The following SSBP2 variants were observed in gnomAD, a reference collection of about 807,000 sequenced individuals.
SSBP2 encodes the protein single-stranded DNA-binding protein 2.
A neutral mutation model predicts 61.8 loss-of-function variants in SSBP2; 17 were observed. The ratio of observed to expected loss-of-function variants is 0.28; its 90% CI spans 0.19 to 0.41. The LOEUF (loss-of-function observed/expected upper bound fraction) is 0.41, where lower values mean the gene tolerates loss of function less well. Among genes scored for constraint, SSBP2 ranks in the 10% least tolerant of loss-of-function variants. SSBP2 has a pLI of 1.00. For synonymous variants in SSBP2, 139 were observed against 141.3 expected (o/e 0.98, Z 0.12); for missense variants, 310 against 458.7 (o/e 0.68, Z 2.96).
intron 4 of SSBP2, among the ~76,000 whole-genome samples, chr5:81,582,617 G>A (rs1006927686): frequency 2.5e-4 from 38 of 152,032 alleles, no homozygotes; most frequent in African/African-American, 7.0e-4. Flanking sequence ...TTTTTGAGAC[G>A]GAGTCTTGCT....
At position 81,474,559 on chromosome 5, in the gene SSBP2, G is replaced by A; in HGVS notation, c.436C>T (p.Leu146Phe). The change falls in exon 7 of 17, where the codon CTT becomes TTT. Residue 146 changes from leucine (L) to phenylalanine (F), a missense_variant. Leu to Phe is a conservative substitution (Grantham distance 22). Around this residue, in one of 4 missense-constraint regions of SSBP2, gnomAD observed 209 missense variants for 286.4 expected, o/e 0.73. Coordinates refer to ENST00000320672, the MANE Select transcript of SSBP2 (RefSeq NM_012446.5). ...GGCTGACTTCCTGGGACACCTCCAA[G>A]TGCCTAGCAATTTATTAAGAAAAAT... is the stretch of plus-strand genomic sequence containing the variant. The A allele has an allele frequency of 1.2e-6, 2 of 1,606,842 alleles. No homozygotes were observed. Among genetic ancestry groups the A allele is most frequent in the Non-Finnish European group, 1.7e-6 (2 of 1,176,122 alleles).
intron 4 of SSBP2, among the ~76,000 whole-genome samples, chr5:81,594,689 CA>C (rs1400126308): frequency 6.6e-6 from 1 of 152,200 alleles, no homozygotes; most frequent in African/African-American, 2.4e-5. Flanking sequence ...TTAAGAAACT[CA>C]CTCAAAACCG....
At chr5:81,467,172 T>C (rs1294715302) in intron 8 of SSBP2, 107 bp from the exon 9 acceptor site, 2 of 587,582 alleles carry the variant, frequency 3.4e-6, no homozygotes, top group Non-Finnish European at 5.9e-6. Context: ...GTGTAATTCA[T>C]TCTCTGAGGG....
At chr5:81,704,921 AT>A (rs1279679528) in intron 1 of SSBP2, among the ~76,000 whole-genome samples, 2 of 151,600 alleles carry the variant, frequency 1.3e-5, no homozygotes, top group African/African-American at 4.8e-5. Context: ...GTTAATCTAT[AT>A]TAAGAATTTC....
chr5:81,607,851 T>G (rs1745028247), intron 4 of SSBP2, among the ~76,000 whole-genome samples: 1 of 152,172 alleles, frequency 6.6e-6, no homozygotes, highest in African/African-American at 2.4e-5. Flanking sequence ...AACAAATTAG[T>G]TGCCTTGGGA....
chr5:81,539,462 G>A (rs1215897200), intron 4 of SSBP2, among the ~76,000 whole-genome samples: 3 of 152,152 alleles, frequency 2.0e-5, no homozygotes, highest in East Asian at 1.9e-4. Flanking sequence ...ATAAAGCAGC[G>A]GCAAGGTTTA....
rs1021648831 is a variant in SSBP2 at position 81,617,863 on chromosome 5, G to C, written c.198-2306C>G. Among the ~76,000 whole-genome samples the C allele has an allele frequency of 4.0e-5, 5 of 125,744 alleles. 1 individual carries two copies. The highest frequency in any genetic ancestry group is 1.5e-4 in the African/African-American group (5 of 32,858). 82.5% of individuals were successfully genotyped at this position (125,744 alleles called of 152,430 possible). On this transcript the variant is annotated intron_variant, in intron 3 of 16. Coordinates refer to ENST00000320672, the MANE Select transcript of SSBP2 (RefSeq NM_012446.5). ...TATCCAGCCAAACTAAGCTTCATAA[G>C]TGAAGGAGAAATAAAATACTTTATA... is the stretch of plus-strand genomic sequence containing the variant.
chr5:81,742,846 C>G (rs1172431793), intron 1 of SSBP2, among the ~76,000 whole-genome samples: 2 of 152,100 alleles, frequency 1.3e-5, no homozygotes, highest in Non-Finnish European at 2.9e-5. Context: ...CGCCACTTCA[C>G]TCCAGCCTGG....
intron 4 of SSBP2, among the ~76,000 whole-genome samples, chr5:81,594,134 G>C (rs1743443473): frequency 6.6e-6 from 1 of 152,196 alleles, no homozygotes; most frequent in Non-Finnish European, 1.5e-5. Context: ...TCAAAATAAA[G>C]GGATAGAAGA....
At chr5:81,494,931 G>C (rs1284175327) in intron 5 of SSBP2, among the ~76,000 whole-genome samples, 1 of 152,076 alleles carries the variant, frequency 6.6e-6, no homozygotes, top group Non-Finnish European at 1.5e-5. Context: ...ACTTCAGAAT[G>C]AATGCCATTA....
chr5:81,680,150 G>A (rs1752279849), intron 1 of SSBP2, among the ~76,000 whole-genome samples: 4 of 151,628 alleles, frequency 2.6e-5, no homozygotes, highest in Admixed American at 2.6e-4. Flanking sequence ...AGCTCTCATG[G>A]TTTTCAGGCA....
chr5:81,542,544 G>T (rs1028608511), intron 4 of SSBP2, among the ~76,000 whole-genome samples: 1 of 151,900 alleles, frequency 6.6e-6, no homozygotes, highest in African/African-American at 2.4e-5. Context: ...AAAGAAAATA[G>T]ATGCATAGTA....
At chr5:81,739,281 T>G (rs1756845836) in intron 1 of SSBP2, among the ~76,000 whole-genome samples, 1 of 152,070 alleles carries the variant, frequency 6.6e-6, no homozygotes, top group Non-Finnish European at 1.5e-5. Flanking sequence ...CCTACCAACT[T>G]TACTGCAGTT....
chr5:81,724,508 T>C (rs182960005), intron 1 of SSBP2, among the ~76,000 whole-genome samples: 1 of 152,114 alleles, frequency 6.6e-6, no homozygotes, highest in East Asian at 1.9e-4. Context: ...AACTGATCAA[T>C]GAAATATGAG....
At chr5:81,750,339 C>A (rs917672373) in intron 1 of SSBP2, among the ~76,000 whole-genome samples, 2 of 147,240 alleles carry the variant, frequency 1.4e-5, no homozygotes, top group African/African-American at 4.9e-5. Context: ...ACGCCCAACC[C>A]GCACACGCCC....
chr5:81,732,281 T>C (rs1442103717), intron 1 of SSBP2, among the ~76,000 whole-genome samples: 1 of 152,212 alleles, frequency 6.6e-6, no homozygotes, highest in Non-Finnish European at 1.5e-5. Context: ...CCATGATCTA[T>C]AATATGAATA....
chr5:81,599,148 T>C (rs1366238224), intron 4 of SSBP2, among the ~76,000 whole-genome samples: 3 of 152,152 alleles, frequency 2.0e-5, no homozygotes, highest in Non-Finnish European at 4.4e-5. Flanking sequence ...AAACTGAGTC[T>C]CTGCCAGTGG....
intron 1 of SSBP2, among the ~76,000 whole-genome samples, chr5:81,749,725 T>C (rs1381984109): frequency 2.6e-5 from 4 of 152,188 alleles, no homozygotes; most frequent in Non-Finnish European, 4.4e-5. Flanking sequence ...TTCTCATTTT[T>C]AGTAACAACC....
In SSBP2 at chr5:81,751,091, C is replaced by T; in HGVS notation, c.-49G>A. 1 of 1,549,862 alleles carries T rather than the reference C, an allele frequency of 6.5e-7. No homozygotes were observed. The highest frequency in any genetic ancestry group is 8.7e-7 in the Non-Finnish European group (1 of 1,144,100). ...CTGTCACGCACCTGTCAACCCATCACAGCCTCCCCGGGAACAGCCCCGTCC... is the reference window on the plus strand; with the variant it reads ...CTGTCACGCACCTGTCAACCCATCATAGCCTCCCCGGGAACAGCCCCGTCC... On this transcript the variant is annotated 5_prime_UTR_variant, in exon 1 of 17. In the 5' UTR this introduces an upstream ATG that the reference lacks. Coordinates refer to ENST00000320672, the MANE Select transcript of SSBP2 (RefSeq NM_012446.5).
Sources: gnomAD v4.1 joint callset for allele counts (sites outside exome capture counted in the v4.1 genomes callset) on GRCh38, gnomAD v4.1.1 for gene constraint, gnomAD v4.1.1 regional missense constraint, MANE v1.5 for transcripts, NCBI Gene and HGNC (gene_info 2026-07-23, HGNC 2026-07-21) for gene names.